CHRNA1: variants seen among roughly 807,000 people sequenced by gnomAD.
The protein encoded by CHRNA1 is cholinergic receptor nicotinic alpha 1 subunit, also known as acetylcholine receptor subunit alpha.
A neutral mutation model predicts 47.1 loss-of-function variants in CHRNA1; 35 were observed. The observed-to-expected ratio is 0.74, with a 90% CI of 0.57 to 0.99. The LOEUF (loss-of-function observed/expected upper bound fraction) is 0.99, where lower values mean the gene tolerates loss of function less well. Among genes scored for constraint, CHRNA1 ranks in the 50% least tolerant of loss-of-function variants. CHRNA1 has a pLI of 0.00. For synonymous variants in CHRNA1, 229 were observed against 223.6 expected, an observed-to-expected ratio of 1.02 and a Z score of -0.22; for missense variants, 506 against 591.1, an observed-to-expected ratio of 0.86 and a Z score of 1.49.
At position 174,759,606 on chromosome 2, in the gene CHRNA1, T is replaced by G; in HGVS notation, c.71A>C (p.Glu24Ala). The part of the protein sequence containing the change: ...SAGLVLGSEH[E>A]TRLVAKLFKD... ...AAATAGCTTTGCCACCAGACGGGTC[T>G]CATGTTCGGAGCCCAGGACGAGGCC... is the stretch of plus-strand genomic sequence containing the variant. The change falls in exon 2 of 9, where the codon GAG becomes GCG. Residue 24 changes from glutamate to alanine, a missense_variant. Coordinates refer to ENST00000348749, the MANE Select transcript of CHRNA1 (RefSeq NM_000079.4). 1 of 1,613,866 alleles carries G rather than the reference T, an allele frequency of 6.2e-7. No individual in the cohort carries two copies. Among genetic ancestry groups the G allele is most frequent in the Non-Finnish European group, 8.5e-7 (1 of 1,179,988 alleles).
At position 174,759,602 on chromosome 2, in the gene CHRNA1, G is replaced by A. The variant is rs1684057140; in HGVS notation, c.75C>T (p.Thr25=). 1.2e-6 allele frequency: 2 copies of A among 1,613,700 alleles called. No individual in the cohort carries two copies. Among genetic ancestry groups the A allele is most frequent in the Admixed American group, 3.3e-5 (2 of 59,988 alleles). The part of the protein sequence containing the change: ...AGLVLGSEHE[T]RLVAKLFKDY... ...CTTTAAATAGCTTTGCCACCAGACG[G>A]GTCTCATGTTCGGAGCCCAGGACGA... Residue 25 remains threonine, a synonymous_variant, in exon 2 of 9, where the codon ACC becomes ACT. Transcript: ENST00000348749.
chr2:174,759,736 C>T, intron 1 of CHRNA1, 103 bp from the exon 2 acceptor site: 1 of 1,478,366 alleles, frequency 6.8e-7, no homozygotes, highest in Admixed American at 1.9e-5. Context: ...TCAGTTCCTT[C>T]TAACAGAAGG....
chr2:174,761,967 T>A (rs867419084), intron 1 of CHRNA1, among the ~76,000 whole-genome samples: 2 of 152,230 alleles, frequency 1.3e-5, no homozygotes, highest in Admixed American at 6.5e-5. Flanking sequence ...AAGAACATAT[T>A]AGAAAGCAGA....
intron 6 of CHRNA1, among the ~76,000 whole-genome samples, chr2:174,751,916 G>A (rs1172721171): frequency 5.9e-5 from 9 of 152,006 alleles, no homozygotes; most frequent in African/African-American, 2.2e-4. Context: ...CTGACCTCAA[G>A]TGATCCATCC....
At chr2:174,759,881 G>A (rs887606701) in intron 1 of CHRNA1, among the ~76,000 whole-genome samples, 2 of 150,694 alleles carry the variant, frequency 1.3e-5, no homozygotes, top group African/African-American at 4.9e-5. Flanking sequence ...TTGTACTTTG[G>A]ACAGGTGACA....
At chr2:174,763,265 G>A (rs1290382682) in intron 1 of CHRNA1, among the ~76,000 whole-genome samples, 3 of 152,050 alleles carry the variant, frequency 2.0e-5, no homozygotes, top group Non-Finnish European at 4.4e-5. Context: ...TTACATTAAA[G>A]CATATCATTT....
At chr2:174,756,011 G>A (rs750031622) in intron 4 of CHRNA1, among the ~76,000 whole-genome samples, 3 of 144,092 alleles carry the variant, frequency 2.1e-5, no homozygotes, top group Non-Finnish European at 4.5e-5. Flanking sequence ...ACTCCAGCCT[G>A]AGCAATGGAG....
intron 3 of CHRNA1, chr2:174,757,982 A>G: frequency 6.2e-7 from 1 of 1,611,128 alleles, no homozygotes; most frequent in Middle Eastern, 1.7e-4. Context: ...GAACTCCCAA[A>G]GTCACGCAGC....
At chr2:174,760,348 A>T (rs1265884095) in intron 1 of CHRNA1, among the ~76,000 whole-genome samples, 2 of 152,200 alleles carry the variant, frequency 1.3e-5, no homozygotes. Context: ...CCTACGATGA[A>T]CTATTATTCA....
intron 6 of CHRNA1, among the ~76,000 whole-genome samples, chr2:174,752,518 C>T (rs187794450): frequency 4.6e-5 from 7 of 152,088 alleles, no homozygotes; most frequent in Admixed American, 2.6e-4. Flanking sequence ...TGCAGTGAGC[C>T]GTGATCATGC....
chr2:174,748,918 C>T, intron 7 of CHRNA1, 99 bp from the exon 8 acceptor site: 1 of 1,517,830 alleles, frequency 6.6e-7, no homozygotes, highest in South Asian at 1.2e-5. Flanking sequence ...GTAAGTCATT[C>T]AGTTTTTCTG....
Position 174,759,330 on chromosome 2 carries a change from C to T in CHRNA1, c.234+1G>A, listed in dbSNP as rs767945253. 2.5e-6 allele frequency: 4 copies of T among 1,613,954 alleles called. No individual in the cohort carries two copies. Among genetic ancestry groups the T allele is most frequent in the East Asian group, 2.2e-5 (1 of 44,890 alleles). On this transcript the variant is annotated splice_donor_variant, in intron 3 of 8. Coordinates refer to ENST00000348749, the MANE Select transcript of CHRNA1 (RefSeq NM_000079.4). LOFTEE classifies it high-confidence loss of function. ...CACATGCAATTATCTGGCTAAGTTA[C>T]CTGTTTCAGACGCACATTGGTTGTC...
chr2:174,750,108 G>C lies in CHRNA1; in HGVS notation c.840C>G (p.Ile280Met). The C allele has an allele frequency of 6.2e-7, 1 of 1,613,334 alleles. No individual in the cohort carries two copies. The highest frequency in any genetic ancestry group is 8.5e-7 in the Non-Finnish European group (1 of 1,179,934). ...TGGACGTGGAGGGGATCAGCTCCAC[G>C]ATGACCAGAAGGAACACAGTCAAAG... ...LLSLTVFLLV[I>M]VELIPSTSSA... Residue 280 changes from isoleucine to methionine, a missense_variant, in exon 7 of 9, where the codon ATC becomes ATG. Coordinates refer to ENST00000348749, the MANE Select transcript of CHRNA1 (RefSeq NM_000079.4).
intron 4 of CHRNA1, among the ~76,000 whole-genome samples, chr2:174,756,876 G>A (rs189247441): frequency 1.1e-3 from 175 of 152,282 alleles, no homozygotes; most frequent in Middle Eastern, 3.4e-3. Flanking sequence ...GCATGCTCCT[G>A]CCTGGGAAGG....
rs768929776 is a variant in CHRNA1 at position 174,748,714 on chromosome 2, C to G, written c.1108G>C (p.Asp370His). The change falls in exon 8 of 9, where the codon GAC becomes CAC. Residue 370 changes from aspartate to histidine, a missense_variant. Physicochemically the swap from Asp to His is moderately conservative, Grantham distance 81 (BLOSUM62 -1). Transcript: ENST00000348749. The part of the protein sequence containing the change: ...KIFTEDIDIS[D>H]ISGKPGPPPM... ...GGAGGCCCTGGCTTTCCAGAAATGT[C>G]AGAGATATCAATGTCTTCTGTAAAA... The G allele has an allele frequency of 1.9e-6, 3 of 1,614,198 alleles. No homozygotes were observed. Among genetic ancestry groups the G allele is most frequent in the Non-Finnish European group, 2.5e-6 (3 of 1,180,036 alleles).
intron 6 of CHRNA1, 59 bp downstream of exon 6, chr2:174,753,444 A>C: frequency 3.3e-6 from 5 of 1,499,404 alleles, no homozygotes; most frequent in Non-Finnish European, 4.6e-6. Flanking sequence ...TGGCTTCCCC[A>C]AAATAGCAGC....
At position 174,754,212 on chromosome 2, in the gene CHRNA1, C is replaced by T. The variant is rs998036491; in HGVS notation, c.540+7G>A. 3 of 1,612,766 alleles carry T rather than the reference C, an allele frequency of 1.9e-6. No homozygotes were observed. Among genetic ancestry groups the T allele is most frequent in the Admixed American group, 1.7e-5 (1 of 60,002 alleles). ...AACCACCCTTATCATATGTGGCCAC[C>T]ACCTACCGGGTTGATGGCCACGACA... On this transcript the variant is annotated splice_region_variant and intron_variant, in intron 5 of 8. Coordinates refer to ENST00000348749, the MANE Select transcript of CHRNA1 (RefSeq NM_000079.4).
At chr2:174,754,100 A>G in intron 5 of CHRNA1, 119 bp downstream of exon 5, 1 of 963,304 alleles carries the variant, frequency 1.0e-6, no homozygotes, top group East Asian at 2.4e-5. Flanking sequence ...TGAACCATCA[A>G]ACTAGATGAT....
intron 1 of CHRNA1, among the ~76,000 whole-genome samples, chr2:174,763,326 G>A (rs1043460953): frequency 9.1e-5 from 9 of 99,174 alleles, no homozygotes; most frequent in Non-Finnish European, 1.7e-4. Flanking sequence ...GTGTGCACGC[G>A]CGCGCACACA....
Sources: gnomAD v4.1 joint callset for allele counts (sites outside exome capture counted in the v4.1 genomes callset) on GRCh38, gnomAD v4.1.1 for gene constraint, MANE v1.5 for transcripts, NCBI Gene and HGNC (gene_info 2026-07-23, HGNC 2026-07-21) for gene names.